The following ASAP2 variants were observed in gnomAD, a reference collection of about 807,000 sequenced individuals.
ASAP2 encodes ArfGAP with SH3 domain, ankyrin repeat and PH domain 2.
ASAP2 carries 45 observed loss-of-function variants against 131.4 expected under a neutral mutation model. The ratio of observed to expected loss-of-function variants is 0.34; its 90% CI spans 0.27 to 0.44. ASAP2 has a LOEUF of 0.44. Among genes scored for constraint, ASAP2 ranks in the 20% least tolerant of loss-of-function variants. The pLI, the probability that ASAP2 is intolerant of heterozygous loss-of-function variation, is 1.00. For synonymous variants in ASAP2, 510 were observed against 503.0 expected, an observed-to-expected ratio of 1.01 and a Z score of -0.19; for missense variants, 1,011 against 1,297.0, an observed-to-expected ratio of 0.78 and a Z score of 3.39.
chr2:9,283,221 G>T (rs186392853), intron 2 of ASAP2, among the ~76,000 whole-genome samples: 5 of 152,250 alleles, frequency 3.3e-5, no homozygotes, highest in African/African-American at 1.2e-4. Context: ...GGGATTACAG[G>T]TGTCTACCAC....
chr2:9,362,722 G>A lies in ASAP2; in HGVS notation c.1461+3833G>A, dbSNP rs1162834522. 3.9e-5 allele frequency among the ~76,000 whole-genome samples: 6 copies of A among 152,120 alleles called. No individual in the cohort carries two copies. The South Asian group carries it at 6.2e-4, about 16-fold the overall frequency. On this transcript the variant is annotated intron_variant, in intron 15 of 27. Coordinates refer to ENST00000281419, the MANE Select transcript of ASAP2 (RefSeq NM_003887.3). ...CTGGGAGTGGTGGCAAGTACCTGTG[G>A]TCCCAGCTACTTGGGAGGCTGAGGC...
At chr2:9,350,389 G>GA (rs1426789638) in intron 11 of ASAP2, 2 of 156,254 alleles carry the variant, frequency 1.3e-5, no homozygotes. Context: ...TTTATGCTAA[G>GA]AAAAAACGCT....
chr2:9,362,765 A>G (rs1184490819), intron 15 of ASAP2, among the ~76,000 whole-genome samples: 1 of 152,102 alleles, frequency 6.6e-6, no homozygotes, highest in Non-Finnish European at 1.5e-5. Flanking sequence ...TCACCTGAGC[A>G]CCCAGGAAGT....
At chr2:9,226,385 G>A (rs1239048568) in intron 1 of ASAP2, among the ~76,000 whole-genome samples, 1 of 152,226 alleles carries the variant, frequency 6.6e-6, no homozygotes, top group East Asian at 1.9e-4. Context: ...TCACCTCCCT[G>A]AGGCCATGCA....
intron 1 of ASAP2, among the ~76,000 whole-genome samples, chr2:9,244,659 C>T (rs1664213880): frequency 6.6e-6 from 1 of 152,210 alleles, no homozygotes; most frequent in South Asian, 2.1e-4. Flanking sequence ...AGGACAGAAT[C>T]ACTAACCTGG....
chr2:9,344,820 C>T lies in ASAP2; in HGVS notation c.1023+20C>T. On this transcript the variant is annotated intron_variant, in intron 11 of 27. Transcript: ENST00000281419. The stretch of plus-strand genomic sequence containing the variant: ...GGTACCGTAAGTATTCTCTTTTAAT[C>T]CATGGTGTCTGCTGTATTAGGTGAG... 6.2e-7 allele frequency: 1 copy of T among 1,602,656 alleles called. No individual in the cohort carries two copies. Among genetic ancestry groups the T allele is most frequent in the Non-Finnish European group, 8.5e-7 (1 of 1,170,518 alleles).
intron 9 of ASAP2, among the ~76,000 whole-genome samples, chr2:9,337,466 G>A (rs765762128): frequency 1.3e-5 from 2 of 152,138 alleles, no homozygotes; most frequent in Non-Finnish European, 2.9e-5. Flanking sequence ...CCCTTTGGTT[G>A]GATTTTCTTC....
chr2:9,371,067 G>A (rs1415503160), intron 16 of ASAP2, among the ~76,000 whole-genome samples: 1 of 152,168 alleles, frequency 6.6e-6, no homozygotes, highest in African/African-American at 2.4e-5. Context: ...GGGGCTAGGC[G>A]ATTCTAAAAA....
intron 3 of ASAP2, among the ~76,000 whole-genome samples, chr2:9,317,675 T>C (rs62121351): frequency 0.3 from 44,481 of 147,780 alleles, 6,900 homozygotes; most frequent in Non-Finnish European, 0.36. Context: ...CTCACATCCA[T>C]AATCACATCC....
At chr2:9,322,518 A>ATTTTGTGGCTCTTTT (rs60655458) in intron 5 of ASAP2, among the ~76,000 whole-genome samples, 3,094 of 152,244 alleles carry the variant, frequency 0.02, 110 homozygotes, top group African/African-American at 0.071. Flanking sequence ...AGCAGCCACG[A>ATTTTGTGGCTCTTTT]TTACCCTGGT....
intron 5 of ASAP2, among the ~76,000 whole-genome samples, chr2:9,320,584 A>G (rs1670090408): frequency 6.6e-6 from 1 of 152,186 alleles, no homozygotes; most frequent in African/African-American, 2.4e-5. Flanking sequence ...TTTTCAGGAA[A>G]GTTCATTGAG....
chr2:9,327,807 C>T lies in ASAP2; in HGVS notation c.601-19C>T, dbSNP rs771686998. On this transcript the variant is annotated intron_variant, in intron 6 of 27. Transcript: ENST00000281419. ...TATTCTGCTTACTTCCATGACATTT[C>T]CTTTTCATTGTTCAACAGTATCTGC... is the stretch of plus-strand genomic sequence containing the variant. 49 of 1,566,158 alleles carry T rather than the reference C, an allele frequency of 3.1e-5. 1 individual carries two copies. The highest frequency in any genetic ancestry group is 4.6e-5 in the East Asian group (2 of 43,316).
intron 9 of ASAP2, among the ~76,000 whole-genome samples, chr2:9,341,990 A>G (rs1255012341): frequency 6.6e-6 from 1 of 151,984 alleles, no homozygotes; most frequent in Non-Finnish European, 1.5e-5. Context: ...GCTCACGTGG[A>G]GTTTTTTGGT....
chr2:9,377,603 C>T (rs1280818967), intron 18 of ASAP2, among the ~76,000 whole-genome samples: 1 of 152,140 alleles, frequency 6.6e-6, no homozygotes, highest in Admixed American at 6.5e-5. Flanking sequence ...ACTTCAAGAC[C>T]CCTCAACGTG....
chr2:9,351,473 A>G (rs563113176), intron 12 of ASAP2, among the ~76,000 whole-genome samples: 1 of 152,296 alleles, frequency 6.6e-6, no homozygotes, highest in South Asian at 2.1e-4. Context: ...TAAAGGGCCC[A>G]TGATGTCTAA....
At chr2:9,239,539 G>T (rs1306834512) in intron 1 of ASAP2, among the ~76,000 whole-genome samples, 2 of 152,098 alleles carry the variant, frequency 1.3e-5, no homozygotes, top group Non-Finnish European at 2.9e-5. Flanking sequence ...ATAGGTGTAG[G>T]TACCATTTTC....
At chr2:9,224,872 G>A (rs1359319610) in intron 1 of ASAP2, among the ~76,000 whole-genome samples, 1 of 152,206 alleles carries the variant, frequency 6.6e-6, no homozygotes, top group Non-Finnish European at 1.5e-5. Flanking sequence ...AAGCACAGTG[G>A]TCGTGCCCAC....
chr2:9,244,932 T>C (rs1371899995), intron 1 of ASAP2, among the ~76,000 whole-genome samples: 1 of 152,194 alleles, frequency 6.6e-6, no homozygotes, highest in Non-Finnish European at 1.5e-5. Flanking sequence ...GGAGAATAAT[T>C]GCTTATTTGA....
intron 9 of ASAP2, among the ~76,000 whole-genome samples, chr2:9,338,578 G>A (rs1330693584): frequency 6.6e-6 from 1 of 152,158 alleles, no homozygotes; most frequent in Non-Finnish European, 1.5e-5. Flanking sequence ...GCCTGGCTCT[G>A]GCCTCCATGT....
Sources: gnomAD v4.1 joint callset for allele counts (sites outside exome capture counted in the v4.1 genomes callset) on GRCh38, gnomAD v4.1.1 for gene constraint, MANE v1.5 for transcripts, NCBI Gene and HGNC (gene_info 2026-07-23, HGNC 2026-07-21) for gene names.